WDR19: variants seen among roughly 807,000 people sequenced by gnomAD.
The protein encoded by WDR19 is WD repeat-containing protein 19.
WDR19 carries 121 observed loss-of-function variants against 180.0 expected under a neutral mutation model. The observed-to-expected ratio is 0.67, with a 90% CI of 0.58 to 0.78. The LOEUF (loss-of-function observed/expected upper bound fraction) is 0.78, where lower values mean the gene tolerates loss of function less well. Among genes scored for constraint, WDR19 ranks in the 30% least tolerant of loss-of-function variants. The pLI is 0.00. For synonymous variants in WDR19, 497 were observed against 540.7 expected, an observed-to-expected ratio of 0.92 and a Z score of 1.12; for missense variants, 1,450 against 1,640.7, an observed-to-expected ratio of 0.88 and a Z score of 2.01.
intron 5 of WDR19, among the ~76,000 whole-genome samples, chr4:39,196,635 C>T (rs1364832158): frequency 1.3e-5 from 2 of 152,214 alleles, no homozygotes; most frequent in South Asian, 2.1e-4. Context: ...TTACTGGCCT[C>T]TCCATTTCAA....
intron 6 of WDR19, 125 bp downstream of exon 6, chr4:39,199,718 G>A (rs748142761): frequency 6.5e-5 from 42 of 641,272 alleles, no homozygotes; most frequent in Non-Finnish European, 1.0e-4. Flanking sequence ...GTGTGTGTGT[G>A]TATACACAAT....
chr4:39,277,937 CCAGGTGCT>C (rs1190936703), intron 34 of WDR19, among the ~76,000 whole-genome samples, 186 bp from the exon 35 acceptor site: 2 of 151,932 alleles, frequency 1.3e-5, no homozygotes, highest in Non-Finnish European at 2.9e-5. Context: ...GCCTGTAGTC[CCAGGTGCT>C]CAGGAGTCTG....
intron 5 of WDR19, among the ~76,000 whole-genome samples, chr4:39,196,369 G>A (rs1447391638): frequency 1.3e-5 from 2 of 152,150 alleles, no homozygotes; most frequent in African/African-American, 2.4e-5. Flanking sequence ...TTCAAATTTA[G>A]TATCTCCAAA....
intron 6 of WDR19, among the ~76,000 whole-genome samples, chr4:39,203,163 G>C (rs1727559476): frequency 7.2e-6 from 1 of 139,710 alleles, no homozygotes; most frequent in Admixed American, 7.5e-5. Context: ...GCAGTGGCAT[G>C]ATCATAGCTC....
chr4:39,183,273 TGAGTCTCGCTCTGTTACCCAGGCTG>T (rs1725159615), intron 1 of WDR19, among the ~76,000 whole-genome samples: 1 of 148,896 alleles, frequency 6.7e-6, no homozygotes, highest in African/African-American at 2.5e-5. Context: ...TTTTTTTTAC[TGAGTCTCGCTCTGTTACCCAGGCTG>T]GAGTGCAGTG....
intron 1 of WDR19, among the ~76,000 whole-genome samples, chr4:39,183,723 A>AT (rs1426997160): frequency 2.0e-5 from 3 of 152,180 alleles, no homozygotes; most frequent in Non-Finnish European, 4.4e-5. Flanking sequence ...ACAGTTGAGA[A>AT]TTTTTTGCTG....
intron 36 of WDR19, among the ~76,000 whole-genome samples, chr4:39,284,978 GCTCAGGGCTCTAGGAGA>G (rs2109550091): frequency 6.6e-6 from 1 of 152,112 alleles, no homozygotes; most frequent in African/African-American, 2.4e-5. Context: ...GAGCCCAGGA[GCTCAGGGCTCTAGGAGA>G]CTATAATCAT....
intron 15 of WDR19, 131 bp from the exon 16 acceptor site, chr4:39,228,079 G>T (rs1730461098): frequency 2.3e-6 from 2 of 882,144 alleles, no homozygotes; most frequent in African/African-American, 1.7e-5. Flanking sequence ...TCCTGTTGTT[G>T]TTGGAGTGAT....
At chr4:39,184,119 C>G (rs145062515) in intron 1 of WDR19, among the ~76,000 whole-genome samples, 1 of 152,282 alleles carries the variant, frequency 6.6e-6, no homozygotes, top group East Asian at 1.9e-4. Context: ...GTAAAATGCT[C>G]ATTGGGACAG....
At position 39,267,968 on chromosome 4, in the gene WDR19, A is replaced by G. The variant is rs878901609; in HGVS notation, c.3262-27A>G. Reference sequence around the variant, plus strand: ...CTCCCCTTAGCTAATGAAGAAAGTAATGTTTCTATAATGGTTTATGTGTCA... The same window carrying G: ...CTCCCCTTAGCTAATGAAGAAAGTAGTGTTTCTATAATGGTTTATGTGTCA... On this transcript the variant is annotated intron_variant, in intron 29 of 36. Coordinates refer to ENST00000399820, the MANE Select transcript of WDR19 (RefSeq NM_025132.4). 3 of 1,569,564 alleles carry G rather than the reference A, an allele frequency of 1.9e-6. No homozygotes were observed. The African/African-American group carries it at 4.1e-5, about 21-fold the overall frequency.
At chr4:39,229,588 G>A (rs750639652) in intron 17 of WDR19, among the ~76,000 whole-genome samples, 12 of 151,850 alleles carry the variant, frequency 7.9e-5, no homozygotes, top group East Asian at 1.9e-4. Context: ...TAGAGCCACC[G>A]TGAATTCCTT....
At chr4:39,278,389 A>C (rs1454243085) in intron 35 of WDR19, 150 bp from the exon 36 acceptor site, 1 of 800,442 alleles carries the variant, frequency 1.2e-6, no homozygotes, top group Non-Finnish European at 2.0e-6. Flanking sequence ...AGGATCTTGC[A>C]TGAGACTGAA....
intron 5 of WDR19, among the ~76,000 whole-genome samples, chr4:39,198,518 G>A (rs150839670): frequency 0.011 from 1,622 of 151,722 alleles, 29 homozygotes; most frequent in African/African-American, 0.037. Context: ...CCAAGATCGC[G>A]CCGCTGCACT....
intron 14 of WDR19, among the ~76,000 whole-genome samples, chr4:39,220,107 GC>G (rs1729501440): frequency 6.6e-6 from 1 of 152,048 alleles, no homozygotes; most frequent in Non-Finnish European, 1.5e-5. Context: ...TGTGGTCCCA[GC>G]TACTCAGGAG....
chr4:39,249,032 C>A (rs1051938400), intron 24 of WDR19, among the ~76,000 whole-genome samples: 18 of 152,286 alleles, frequency 1.2e-4, no homozygotes, highest in African/African-American at 4.3e-4. Context: ...ACTCTCCACC[C>A]CAAATCAACA....
intron 26 of WDR19, 93 bp from the exon 27 acceptor site, chr4:39,255,755 T>C (rs1431249346): frequency 1.0e-5 from 6 of 587,580 alleles, no homozygotes; most frequent in Non-Finnish European, 1.7e-5. Flanking sequence ...TTAAGAGTTT[T>C]TAATCACCTA....
intron 5 of WDR19, among the ~76,000 whole-genome samples, chr4:39,195,769 G>A (rs542458131): frequency 3.9e-4 from 59 of 152,280 alleles, no homozygotes; most frequent in African/African-American, 1.3e-3. Flanking sequence ...ACAGATACTT[G>A]AGAAAGTGCC....
chr4:39,185,591 A>T, intron 1 of WDR19, 135 bp from the exon 2 acceptor site: 1 of 749,308 alleles, frequency 1.3e-6, no homozygotes, highest in Non-Finnish European at 2.2e-6. Flanking sequence ...GTTAACTTCT[A>T]GATAAGCTCT....
At chr4:39,274,739 G>A (rs915679405) in intron 32 of WDR19, 69 bp from the exon 33 acceptor site, 18 of 1,555,578 alleles carry the variant, frequency 1.2e-5, no homozygotes, top group Admixed American at 1.8e-5. Context: ...GAACCAGGGT[G>A]GAATCCCGCC....
Sources: allele counts gnomAD v4.1 joint callset (sites outside exome capture counted in the v4.1 genomes callset), GRCh38; gene constraint gnomAD v4.1.1; transcripts MANE v1.5; gene names NCBI Gene and HGNC (gene_info 2026-07-23, HGNC 2026-07-21).